Variants in SCNN1B observed in about 807,000 individuals in gnomAD.
SCNN1B encodes sodium channel epithelial 1 subunit beta.
SCNN1B carries 46 observed loss-of-function variants against 65.3 expected under a neutral mutation model. The ratio of observed to expected loss-of-function variants is 0.70; its 90% CI spans 0.56 to 0.90. The LOEUF is 0.90. SCNN1B is among the 40% of genes least tolerant of loss of function. The pLI is 0.00. For synonymous variants in SCNN1B, 349 were observed against 330.6 expected, an observed-to-expected ratio of 1.06 and a Z score of -0.60; for missense variants, 751 against 830.5, an observed-to-expected ratio of 0.90 and a Z score of 1.18.
chr16:23,322,948 G>A (rs1406106248), intron 1 of SCNN1B, among the ~76,000 whole-genome samples: 2 of 151,902 alleles, frequency 1.3e-5, no homozygotes, highest in Non-Finnish European at 2.9e-5. Flanking sequence ...ACTTTGGGAG[G>A]CCGAGGTGGG....
At chr16:23,354,990 G>A (rs1962387250) in intron 3 of SCNN1B, among the ~76,000 whole-genome samples, 1 of 152,190 alleles carries the variant, frequency 6.6e-6, no homozygotes, top group Non-Finnish European at 1.5e-5. Context: ...CCATGAGTTG[G>A]TCACTGGCTG....
At chr16:23,343,926 G>A (rs1962133204) in intron 1 of SCNN1B, among the ~76,000 whole-genome samples, 1 of 152,158 alleles carries the variant, frequency 6.6e-6, no homozygotes, top group South Asian at 2.1e-4. Context: ...CTATCACCGT[G>A]GGGGTGAAAT....
chr16:23,304,782 A>C (rs551221978), intron 1 of SCNN1B, among the ~76,000 whole-genome samples: 1 of 152,224 alleles, frequency 6.6e-6, no homozygotes, highest in African/African-American at 2.4e-5. Context: ...TTATAATCCC[A>C]GCTTCACCCC....
intron 1 of SCNN1B, among the ~76,000 whole-genome samples, chr16:23,311,115 A>T (rs934520140): frequency 1.3e-5 from 2 of 152,210 alleles, no homozygotes; most frequent in Non-Finnish European, 2.9e-5. Context: ...TGAATCTGCC[A>T]TTTCACCCGC....
At chr16:23,335,750 AT>A (rs56950176) in intron 1 of SCNN1B, among the ~76,000 whole-genome samples, 13,149 of 145,922 alleles carry the variant, frequency 0.09, 673 homozygotes, top group East Asian at 0.23. Context: ...CCCGGCCTCT[AT>A]TTTTTTTTTT....
intron 2 of SCNN1B, among the ~76,000 whole-genome samples, chr16:23,286,033 C>T (rs980353914): frequency 3.3e-5 from 4 of 120,918 alleles, no homozygotes; most frequent in African/African-American, 2.0e-4. Flanking sequence ...TCAATGAATT[C>T]ATAATGATAT....
Position 23,381,175 on chromosome 16 carries a change from C to A in SCNN1B, c.*374C>A. ...GGCGGGTGGGCCATGTGGTTTTCTC[C>A]TTCCTGGCCTTGGCTGGCCTCTGGG... On this transcript the variant is annotated 3_prime_UTR_variant, in exon 13 of 13. Transcript: ENST00000343070. The A allele has an allele frequency of 3.2e-6, 1 of 309,446 alleles. No individual in the cohort carries two copies. The highest frequency in any genetic ancestry group is 6.2e-6 in the Non-Finnish European group (1 of 162,414). 19.2% of individuals were successfully genotyped at this position (309,446 alleles called of 1,614,324 possible).
chr16:23,305,223 C>T (rs780088138), intron 1 of SCNN1B, among the ~76,000 whole-genome samples: 64 of 152,088 alleles, frequency 4.2e-4, no homozygotes, highest in Non-Finnish European at 7.9e-4. Context: ...AGCTGAGGTG[C>T]TCCCCTTTGG....
At chr16:23,290,396 C>T (rs1307461021) in intron 2 of SCNN1B, among the ~76,000 whole-genome samples, 1 of 152,190 alleles carries the variant, frequency 6.6e-6, no homozygotes, top group East Asian at 1.9e-4. Context: ...CAGCCTCAAC[C>T]TCCTGGGCTC....
chr16:23,299,813 C>T (rs1015904136), upstream of SCNN1B, among the ~76,000 whole-genome samples: 2 of 152,164 alleles, frequency 1.3e-5, no homozygotes, highest in Admixed American at 6.6e-5. Context: ...ACAAGAAATA[C>T]CATTTGACTC....
chr16:23,316,934 CTCACCATCA>C (rs1368921229), intron 1 of SCNN1B, among the ~76,000 whole-genome samples: 2 of 151,854 alleles, frequency 1.3e-5, no homozygotes, highest in Non-Finnish European at 2.9e-5. Context: ...CATCACCATT[CTCACCATCA>C]TCACCATCAC....
intron 7 of SCNN1B, among the ~76,000 whole-genome samples, chr16:23,373,555 C>A (rs2142041319): frequency 6.6e-6 from 1 of 152,314 alleles, no homozygotes; most frequent in African/African-American, 2.4e-5. Flanking sequence ...CAGACTGAAT[C>A]CTTGCAAAGG....
At chr16:23,279,113 G>A (rs868618485) in intron 1 of SCNN1B, among the ~76,000 whole-genome samples, 5 of 151,722 alleles carry the variant, frequency 3.3e-5, no homozygotes, top group Admixed American at 1.3e-4. Flanking sequence ...GGCTGACTCT[G>A]TCACCCAGGC....
At chr16:23,300,682 CTT>C (rs1012188949), upstream of SCNN1B, among the ~76,000 whole-genome samples, 21 of 152,146 alleles carry the variant, frequency 1.4e-4, no homozygotes, top group African/African-American at 5.1e-4. Flanking sequence ...GAAAAATAAA[CTT>C]TTTTTAATTA....
At chr16:23,322,117 C>T (rs991037475) in intron 1 of SCNN1B, among the ~76,000 whole-genome samples, 1 of 152,130 alleles carries the variant, frequency 6.6e-6, no homozygotes, top group Non-Finnish European at 1.5e-5. Flanking sequence ...CTTCCAGATA[C>T]AACAGTTTTT....
At chr16:23,343,873 T>C (rs1223947822) in intron 1 of SCNN1B, among the ~76,000 whole-genome samples, 1 of 152,202 alleles carries the variant, frequency 6.6e-6, no homozygotes, top group African/African-American at 2.4e-5. Context: ...ACTGATTCAA[T>C]CCCTTCTCCA....
intron 1 of SCNN1B, among the ~76,000 whole-genome samples, chr16:23,309,698 C>T (rs991994702): frequency 6.6e-6 from 1 of 152,224 alleles, no homozygotes; most frequent in African/African-American, 2.4e-5. Flanking sequence ...TTAGCTGGTG[C>T]CCACTCAGAT....
At chr16:23,322,836 C>T (rs1206548066) in intron 1 of SCNN1B, among the ~76,000 whole-genome samples, 2 of 151,910 alleles carry the variant, frequency 1.3e-5, no homozygotes, top group South Asian at 2.1e-4. Flanking sequence ...ATCATTTTTA[C>T]GTGTGCAGTT....
chr16:23,332,199 T>A (rs1449402396), intron 1 of SCNN1B, among the ~76,000 whole-genome samples: 1 of 151,934 alleles, frequency 6.6e-6, no homozygotes, highest in Non-Finnish European at 1.5e-5. Flanking sequence ...CAGCTCTTTT[T>A]TTTTTTTCTT....
Sources: allele counts gnomAD v4.1 joint callset (sites outside exome capture counted in the v4.1 genomes callset), GRCh38; gene constraint gnomAD v4.1.1; transcripts MANE v1.5; gene names NCBI Gene and HGNC (gene_info 2026-07-23, HGNC 2026-07-21).